The following DLG2 variants were observed in gnomAD, a reference collection of about 807,000 sequenced individuals.
DLG2 encodes disks large homolog 2.
DLG2 carries 45 observed loss-of-function variants against 132.5 expected under a neutral mutation model. The observed-to-expected ratio is 0.34, with a 90% confidence interval of 0.27 to 0.44. DLG2 has a LOEUF of 0.44. DLG2 is among the 20% of genes least tolerant of loss of function. The probability of loss-of-function intolerance (pLI) is 1.00; values close to 1 mark genes in which losing one functional copy is unlikely to be tolerated. For missense variants in DLG2, 1,045 were observed against 1,196.9 expected, an observed-to-expected ratio of 0.87 and a Z score of 1.87; for synonymous variants, 424 against 419.6, an observed-to-expected ratio of 1.01 and a Z score of -0.13.
chr11:85,005,085 T>C (rs923914527), intron 6 of DLG2, among the ~76,000 whole-genome samples: 16 of 152,188 alleles, frequency 1.1e-4, no homozygotes, highest in African/African-American at 3.6e-4. Context: ...CATTGGTCTA[T>C]ATATCTATTT....
At chr11:85,585,840 A>G (rs935686514) in intron 3 of DLG2, among the ~76,000 whole-genome samples, 3 of 151,854 alleles carry the variant, frequency 2.0e-5, no homozygotes, top group Non-Finnish European at 2.9e-5. Flanking sequence ...CAGCCTCTGG[A>G]GTAGCTGGGA....
chr11:83,590,225 A>T (rs1327673836), intron 19 of DLG2, among the ~76,000 whole-genome samples: 1 of 151,226 alleles, frequency 6.6e-6, no homozygotes, highest in Non-Finnish European at 1.5e-5. Flanking sequence ...TCCAAAATTG[A>T]CCACATAGTT....
chr11:85,041,845 G>A (rs1449221806), intron 6 of DLG2, among the ~76,000 whole-genome samples: 1 of 151,824 alleles, frequency 6.6e-6, no homozygotes, highest in Non-Finnish European at 1.5e-5. Flanking sequence ...TCACTAACAT[G>A]GACAAAAATC....
intron 3 of DLG2, among the ~76,000 whole-genome samples, chr11:85,514,363 C>T (rs1159204623): frequency 6.6e-6 from 1 of 151,952 alleles, no homozygotes; most frequent in Non-Finnish European, 1.5e-5. Context: ...GAGAATATGC[C>T]AACTGGCAAT....
intron 3 of DLG2, among the ~76,000 whole-genome samples, chr11:85,592,743 G>C (rs1019300442): frequency 2.6e-5 from 4 of 152,100 alleles, no homozygotes; most frequent in African/African-American, 9.7e-5. Context: ...TTGAGCCCAG[G>C]AGTTCAACAC....
intron 6 of DLG2, among the ~76,000 whole-genome samples, chr11:84,929,886 C>G (rs1294566802): frequency 6.6e-6 from 1 of 152,046 alleles, no homozygotes; most frequent in African/African-American, 2.4e-5. Flanking sequence ...TTTAGGAATA[C>G]ATACTTGCAA....
chr11:83,702,116 T>C (rs1592719119), intron 18 of DLG2, among the ~76,000 whole-genome samples: 1 of 152,214 alleles, frequency 6.6e-6, no homozygotes, highest in Non-Finnish European at 1.5e-5. Flanking sequence ...CAGTGTTGGC[T>C]TGGGATCAGG....
intron 19 of DLG2, among the ~76,000 whole-genome samples, chr11:83,555,918 G>A (rs2096506482): frequency 6.6e-6 from 1 of 152,148 alleles, no homozygotes; most frequent in African/African-American, 2.4e-5. Flanking sequence ...TTTCCAAAAT[G>A]AAAGCTTGAT....
At chr11:83,993,361 C>T (rs991636087) in intron 11 of DLG2, among the ~76,000 whole-genome samples, 2 of 152,082 alleles carry the variant, frequency 1.3e-5, no homozygotes, top group African/African-American at 4.8e-5. Flanking sequence ...TAGTTGATTG[C>T]TTTAGCTCAA....
intron 6 of DLG2, among the ~76,000 whole-genome samples, chr11:84,619,976 A>C (rs1260854946): frequency 6.6e-6 from 1 of 151,748 alleles, no homozygotes; most frequent in Non-Finnish European, 1.5e-5. Context: ...TGAAAGAATA[A>C]AACCTAAACA....
At chr11:83,593,426 C>A (rs1419979582) in intron 19 of DLG2, among the ~76,000 whole-genome samples, 2 of 151,292 alleles carry the variant, frequency 1.3e-5, no homozygotes, top group African/African-American at 4.9e-5. Flanking sequence ...TTCTCACTCA[C>A]AGGTGGGAAT....
At chr11:84,427,648 T>C (rs2098971354) in intron 7 of DLG2, among the ~76,000 whole-genome samples, 2 of 152,212 alleles carry the variant, frequency 1.3e-5, no homozygotes, top group Admixed American at 1.3e-4. Context: ...CTCAATCTTC[T>C]TAAACTTTCC....
At chr11:84,363,107 C>T (rs1418529815) in intron 7 of DLG2, among the ~76,000 whole-genome samples, 7 of 150,494 alleles carry the variant, frequency 4.7e-5, no homozygotes, top group African/African-American at 1.7e-4. Flanking sequence ...AATGGTTGAA[C>T]TAGTTTACAG....
chr11:83,936,373 T>C (rs906801666), intron 14 of DLG2, among the ~76,000 whole-genome samples: 2 of 152,210 alleles, frequency 1.3e-5, no homozygotes, highest in Non-Finnish European at 2.9e-5. Flanking sequence ...TCTAACAATA[T>C]AGCAGCCCCA....
rs963637541 is a variant in DLG2 at position 83,627,333 on chromosome 11, T to G, written c.1940+5878A>C. On this transcript the variant is annotated intron_variant, in intron 19 of 27. Coordinates refer to ENST00000376104, the MANE Select transcript of DLG2 (RefSeq NM_001142699.3). Reference sequence around the variant, plus strand: ...TTAACTCGTCATTTAGCATTAGGTATATCTCCTAATGCTATCCCTCCCCTC... The same window carrying G: ...TTAACTCGTCATTTAGCATTAGGTAGATCTCCTAATGCTATCCCTCCCCTC... 3.3e-5 allele frequency among the ~76,000 whole-genome samples: 5 copies of G among 152,224 alleles called. No individual in the cohort carries two copies. In the East Asian group the frequency reaches 7.7e-4, roughly 24 times the overall value.
intron 14 of DLG2, among the ~76,000 whole-genome samples, chr11:83,937,906 C>T (rs2081854186): frequency 6.6e-6 from 1 of 152,072 alleles, no homozygotes; most frequent in South Asian, 2.1e-4. Flanking sequence ...AGCAATTTGG[C>T]AATATATTTC....
chr11:84,910,027 A>T (rs1404935752), intron 6 of DLG2, among the ~76,000 whole-genome samples: 1 of 152,198 alleles, frequency 6.6e-6, no homozygotes, highest in East Asian at 1.9e-4. Flanking sequence ...GTAAAAATCA[A>T]TGTTATTGAC....
intron 4 of DLG2, among the ~76,000 whole-genome samples, chr11:85,215,329 C>T (rs913928077): frequency 7.9e-5 from 12 of 152,076 alleles, no homozygotes; most frequent in South Asian, 2.1e-4. Context: ...AAAACATAAA[C>T]GTTTGCTGAA....
intron 6 of DLG2, among the ~76,000 whole-genome samples, chr11:84,977,273 T>A (rs572599469): frequency 7.2e-5 from 11 of 152,276 alleles, no homozygotes; most frequent in African/African-American, 2.6e-4. Context: ...TTTCTCTTTC[T>A]ATCTCTTTTT....
Sources: gnomAD v4.1 joint callset for allele counts (sites outside exome capture counted in the v4.1 genomes callset) on GRCh38, gnomAD v4.1.1 for gene constraint, MANE v1.5 for transcripts, NCBI Gene and HGNC (gene_info 2026-07-23, HGNC 2026-07-21) for gene names.